GPHN: variants seen among roughly 807,000 people sequenced by gnomAD.
The protein encoded by GPHN is gephyrin.
In GPHN, 17 loss-of-function variants were observed where a neutral mutation model predicts 95.5. That is an observed-to-expected ratio of 0.18 (90% CI 0.12 to 0.27). The LOEUF is 0.27. GPHN is among the 10% of genes least tolerant of loss of function. GPHN has a pLI of 1.00. For missense variants in GPHN, 660 were observed against 978.1 expected (o/e 0.67, Z 4.34); for synonymous variants, 320 against 322.5 (o/e 0.99, Z 0.08).
At chr14:66,986,353 A>G (rs1259168998) in intron 9 of GPHN, among the ~76,000 whole-genome samples, 1 of 152,106 alleles carries the variant, frequency 6.6e-6, no homozygotes, top group African/African-American at 2.4e-5. Flanking sequence ...AACTGATACA[A>G]CAATCAACAG....
the GPHN span, chr14:67,620,934 A>G: frequency 1.2e-6 from 2 of 1,614,120 alleles, no homozygotes; most frequent in Non-Finnish European, 1.7e-6. Flanking sequence ...GCCATAAGAG[A>G]AGCTGGCTTG....
At chr14:66,521,816 G>C (rs1227889910) in intron 1 of GPHN, among the ~76,000 whole-genome samples, 3 of 152,146 alleles carry the variant, frequency 2.0e-5, no homozygotes, top group Non-Finnish European at 4.4e-5. Context: ...CACACATTCA[G>C]ACCACAGCAG....
chr14:66,587,738 C>T (rs1240185986), intron 1 of GPHN, among the ~76,000 whole-genome samples: 5 of 152,222 alleles, frequency 3.3e-5, no homozygotes, highest in South Asian at 2.1e-4. Flanking sequence ...GAGAGCAGCC[C>T]CAGTGCTTAT....
chr14:67,252,015 AG>A, the GPHN span, among the ~76,000 whole-genome samples: 1 of 152,240 alleles, frequency 6.6e-6, no homozygotes, highest in East Asian at 1.9e-4. Flanking sequence ...AGGTGCTGGG[AG>A]GCTGGTTTGA....
At chr14:67,699,367 A>T in the GPHN span, among the ~76,000 whole-genome samples, 1 of 152,162 alleles carries the variant, frequency 6.6e-6, no homozygotes, top group African/African-American at 2.4e-5. Flanking sequence ...CCAGCCTGGG[A>T]AACCTAATGA....
the GPHN span, among the ~76,000 whole-genome samples, chr14:67,264,622 T>A: frequency 5.9e-5 from 9 of 152,218 alleles, no homozygotes; most frequent in Non-Finnish European, 1.2e-4. Flanking sequence ...ATAAATTTTT[T>A]AATAAAATTT....
chr14:66,913,950 A>T (rs1464992002), intron 5 of GPHN, among the ~76,000 whole-genome samples: 1 of 152,188 alleles, frequency 6.6e-6, no homozygotes, highest in Non-Finnish European at 1.5e-5. Flanking sequence ...GACATTCTAT[A>T]GATGAAAAAG....
chr14:66,923,636 G>A (rs2066332995), intron 7 of GPHN, among the ~76,000 whole-genome samples: 2 of 152,038 alleles, frequency 1.3e-5, no homozygotes, highest in South Asian at 4.2e-4. Flanking sequence ...ACCTACTAAA[G>A]TCAACCTAGT....
the GPHN span, among the ~76,000 whole-genome samples, chr14:67,479,415 A>T: frequency 6.6e-6 from 1 of 150,950 alleles, no homozygotes. Flanking sequence ...TGTCTCAAAA[A>T]AAAAAAAAAA....
At chr14:67,328,946 G>A in the GPHN span, among the ~76,000 whole-genome samples, 3 of 152,138 alleles carry the variant, frequency 2.0e-5, no homozygotes, top group Non-Finnish European at 1.5e-5. Flanking sequence ...GCTTAGGGTT[G>A]TCTTGGCAAT....
the GPHN span, chr14:67,613,643 G>T: frequency 4.5e-6 from 1 of 220,574 alleles, no homozygotes. Flanking sequence ...GGGAGTATTT[G>T]GGAAACAGGG....
chr14:67,185,823 C>T (rs1471227849), downstream of GPHN, among the ~76,000 whole-genome samples: 1 of 152,088 alleles, frequency 6.6e-6, no homozygotes, highest in East Asian at 1.9e-4. Context: ...CTTCATGAAA[C>T]CCTAACAATG....
the GPHN span, chr14:67,695,771 C>G: frequency 6.9e-7 from 1 of 1,439,566 alleles, no homozygotes; most frequent in South Asian, 1.2e-5. Flanking sequence ...GCTTCTCTTT[C>G]TAGACACGCC....
At chr14:67,505,671 G>T in the GPHN span, among the ~76,000 whole-genome samples, 1 of 152,006 alleles carries the variant, frequency 6.6e-6, no homozygotes. Flanking sequence ...TTCAGGGGCT[G>T]AGGAAGGAGC....
intron 2 of GPHN, among the ~76,000 whole-genome samples, chr14:66,764,141 A>G (rs1197610215): frequency 2.6e-5 from 4 of 152,208 alleles, no homozygotes; most frequent in Non-Finnish European, 5.9e-5. Context: ...AATCATCACA[A>G]AACCATGCCC....
chr14:67,075,459 C>G (rs2153659749), intron 11 of GPHN, among the ~76,000 whole-genome samples: 1 of 152,050 alleles, frequency 6.6e-6, no homozygotes, highest in East Asian at 1.9e-4. Flanking sequence ...GTCCATAGAT[C>G]AAGGAGTAAT....
At chr14:66,647,990 C>G (rs1470736654) in intron 1 of GPHN, among the ~76,000 whole-genome samples, 1 of 152,128 alleles carries the variant, frequency 6.6e-6, no homozygotes, top group Non-Finnish European at 1.5e-5. Context: ...TATCAGAAAG[C>G]TAGGCGTCAC....
the GPHN span, chr14:67,392,462 G>C: frequency 6.7e-7 from 1 of 1,503,676 alleles, no homozygotes; most frequent in Non-Finnish European, 9.3e-7. Flanking sequence ...CTCTGCTACA[G>C]AAAAGACCCA....
rs1255825578 is a variant in GPHN at position 67,058,737 on chromosome 14, A to G, written c.1095A>G (p.Thr365=). 3.1e-6 allele frequency: 5 copies of G among 1,613,518 alleles called. No homozygotes were observed. In the Admixed American group the frequency reaches 8.3e-5, roughly 27 times the overall value. ...CATCTATGGACAAAGCCTTTATCAC[A>G]GTCCTGGAGATGACTCCGGTGCTTG... ...PLTSMDKAFI[T]VLEMTPVLGT... is the part of the protein sequence containing the mutation. The change falls in exon 11 of 23, where the codon ACA becomes ACG. Residue 365 remains threonine, a synonymous_variant. Coordinates refer to ENST00000478722, the MANE Select transcript of GPHN (RefSeq NM_020806.5).
Sources: allele counts gnomAD v4.1 joint callset (sites outside exome capture counted in the v4.1 genomes callset), GRCh38; gene constraint gnomAD v4.1.1; transcripts MANE v1.5; gene names NCBI Gene and HGNC (gene_info 2026-07-23, HGNC 2026-07-21).